WASF2: variants seen among roughly 807,000 people sequenced by gnomAD.
WASF2 encodes actin-binding protein WASF2.
WASF2 carries 14 observed loss-of-function variants against 45.0 expected under a neutral mutation model. The ratio of observed to expected loss-of-function variants is 0.31; its 90% CI spans 0.21 to 0.49. The LOEUF (loss-of-function observed/expected upper bound fraction) is 0.49. Among genes scored for constraint, WASF2 ranks in the 20% least tolerant of loss-of-function variants. The probability of loss-of-function intolerance (pLI) is 0.99; values close to 1 mark genes in which losing one functional copy is unlikely to be tolerated. For synonymous variants in WASF2, 200 were observed against 236.3 expected (o/e 0.85, Z 1.41); for missense variants, 439 against 636.1 (o/e 0.69, Z 3.33).
chr1:27,412,527 A>G (rs749416732), intron 7 of WASF2, 45 bp downstream of exon 7: 9 of 1,610,410 alleles, frequency 5.6e-6, no homozygotes, highest in Non-Finnish European at 7.6e-6. Flanking sequence ...TTTGTTCTCA[A>G]GTGTATAACT....
intron 1 of WASF2, among the ~76,000 whole-genome samples, chr1:27,431,930 C>G (rs2017067819): frequency 6.6e-6 from 1 of 152,166 alleles, no homozygotes; most frequent in Non-Finnish European, 1.5e-5. Flanking sequence ...TCTATTAGGA[C>G]AAAACAATTA....
intron 1 of WASF2, among the ~76,000 whole-genome samples, chr1:27,458,294 C>G (rs1316801810): frequency 3.0e-5 from 3 of 99,714 alleles, no homozygotes; most frequent in African/African-American, 1.2e-4. Context: ...GCCTGGGTGA[C>G]AGAGCGAGAT....
At chr1:27,432,025 C>T (rs922427416) in intron 1 of WASF2, among the ~76,000 whole-genome samples, 35 of 152,194 alleles carry the variant, frequency 2.3e-4, no homozygotes, top group African/African-American at 8.4e-4. Context: ...AAATGACATG[C>T]ACCATTGCTC....
chr1:27,465,679 C>T lies in WASF2; in HGVS notation c.-44+24307G>A, dbSNP rs1470647129. Among the ~76,000 whole-genome samples the T allele has an allele frequency of 3.3e-5, 5 of 152,170 alleles. 1 individual carries two copies. Among genetic ancestry groups the T allele is most frequent in the Admixed American group, 3.3e-4 (5 of 15,264 alleles). On this transcript the variant is annotated intron_variant, in intron 1 of 8. Transcript: ENST00000618852. ...AAATGGCAATGGCTAAGGAAGGCTACGGTTCTAGGGCAGATTACGGTACTA... is the reference window on the plus strand; with the variant it reads ...AAATGGCAATGGCTAAGGAAGGCTATGGTTCTAGGGCAGATTACGGTACTA...
intron 1 of WASF2, among the ~76,000 whole-genome samples, chr1:27,444,282 G>A (rs918237916): frequency 1.3e-5 from 2 of 151,812 alleles, no homozygotes; most frequent in Non-Finnish European, 2.9e-5. Context: ...GTCTTACTAT[G>A]TTGCCCTGGT....
intron 8 of WASF2, among the ~76,000 whole-genome samples, 181 bp downstream of exon 8, chr1:27,409,511 A>G (rs528217508): frequency 4.0e-5 from 6 of 150,934 alleles, no homozygotes; most frequent in Admixed American, 1.3e-4. Flanking sequence ...CTAAATCTCC[A>G]TATTTTTAGG....
chr1:27,432,058 G>A (rs745656640), intron 1 of WASF2, among the ~76,000 whole-genome samples: 1 of 152,162 alleles, frequency 6.6e-6, no homozygotes, highest in South Asian at 2.1e-4. Flanking sequence ...GATAATCAAG[G>A]ATTGGTTTGT....
At chr1:27,489,252 G>GCACACACACA (rs60315426) in intron 1 of WASF2, among the ~76,000 whole-genome samples, 8 of 80,296 alleles carry the variant, frequency 1.0e-4, no homozygotes, top group East Asian at 5.3e-4. Flanking sequence ...CTGTACGCGC[G>GCACACACACA]CACACACACA....
intron 1 of WASF2, among the ~76,000 whole-genome samples, chr1:27,433,961 T>C (rs1453978823): frequency 6.6e-6 from 1 of 152,212 alleles, no homozygotes; most frequent in East Asian, 1.9e-4. Context: ...GAAGGTCTTT[T>C]TCAGACATCT....
At chr1:27,473,256 G>A (rs1330996224) in intron 1 of WASF2, among the ~76,000 whole-genome samples, 8 of 151,638 alleles carry the variant, frequency 5.3e-5, no homozygotes, top group East Asian at 1.9e-4. Context: ...CGAGGCGGGC[G>A]GATCACGAGG....
chr1:27,473,100 T>C (rs1571162096), intron 1 of WASF2, among the ~76,000 whole-genome samples: 1 of 152,008 alleles, frequency 6.6e-6, no homozygotes, highest in East Asian at 1.9e-4. Context: ...TGATAACCTG[T>C]ATCCGGAATA....
intron 1 of WASF2, among the ~76,000 whole-genome samples, chr1:27,453,992 C>T (rs951239028): frequency 1.3e-5 from 2 of 151,590 alleles, no homozygotes; most frequent in Admixed American, 6.6e-5. Context: ...AAACGTGTGA[C>T]GTGTGTTTAC....
intron 1 of WASF2, among the ~76,000 whole-genome samples, chr1:27,444,284 T>C (rs2017284914): frequency 1.3e-5 from 2 of 152,068 alleles, no homozygotes. Flanking sequence ...CTTACTATGT[T>C]GCCCTGGTTG....
intron 1 of WASF2, among the ~76,000 whole-genome samples, chr1:27,440,295 G>T (rs888458219): frequency 6.6e-6 from 1 of 152,226 alleles, no homozygotes; most frequent in African/African-American, 2.4e-5. Flanking sequence ...AGGCCAAGGA[G>T]AGTGGATCGC....
At chr1:27,444,500 G>A (rs2148121462) in intron 1 of WASF2, among the ~76,000 whole-genome samples, 1 of 152,336 alleles carries the variant, frequency 6.6e-6, no homozygotes, top group South Asian at 2.1e-4. Flanking sequence ...GGAATGGCGA[G>A]TTTATATGGA....
In WASF2 at chr1:27,405,667, C is replaced by CGGCTCACT. The variant is rs1209226542; in HGVS notation, c.*2514_*2521dup. ...CATAAGTGGAGCCCAGAGGGCCTCT[C>CGGCTCACT]GGCTCACTGGGTCCCCGGCCCCCCG... is the stretch of plus-strand genomic sequence containing the variant. On this transcript the variant is annotated 3_prime_UTR_variant, in exon 9 of 9. Coordinates refer to ENST00000618852, the MANE Select transcript of WASF2 (RefSeq NM_006990.5). 1 of 128,972 alleles carries CGGCTCACT rather than the reference C, an allele frequency of 7.8e-6. No individual in the cohort carries two copies. Among genetic ancestry groups the CGGCTCACT allele is most frequent in the African/African-American group, 3.0e-5 (1 of 33,374 alleles). 8.0% of individuals were successfully genotyped at this position (128,972 alleles called of 1,614,324 possible). A position where few individuals can be genotyped will look rare whatever the true frequency, so the allele number is the denominator to read the frequency against.
intron 3 of WASF2, 107 bp from the exon 4 acceptor site, chr1:27,418,529 T>C: frequency 1.4e-6 from 2 of 1,464,756 alleles, no homozygotes; most frequent in Non-Finnish European, 9.3e-7. Context: ...TGGCTGTGGC[T>C]GTCCGCAGCC....
chr1:27,410,179 A>G lies in WASF2; in HGVS notation c.852T>C (p.Ser284=). The part of the protein sequence containing the change: ...FSYPVDNQRG[S]GLAGPKRSSV... Reference sequence around the variant, plus strand: ...TGGATCTTTTGGGTCCAGCCAAACCAGATCCTCTTTGGTTGTCCACTGGGT... The same window carrying G: ...TGGATCTTTTGGGTCCAGCCAAACCGGATCCTCTTTGGTTGTCCACTGGGT... The change falls in exon 8 of 9, where the codon TCT becomes TCC. Residue 284 remains serine, a synonymous_variant. Transcript: ENST00000618852. This position sits in a 1 kb window ranked among gnomAD's most constrained non-coding sequence, Gnocchi z 4.2. 6.2e-7 allele frequency: 1 copy of G among 1,614,120 alleles called. No homozygotes were observed.
chr1:27,408,178 G>A lies in WASF2; in HGVS notation c.*11C>T, dbSNP rs2016705826. On this transcript the variant is annotated 3_prime_UTR_variant, in exon 9 of 9. Transcript: ENST00000618852. ...GGAAAGAAAAAGAAGGTGGGCAGCA[G>A]GCAGAAAGAGTTAATCGGACCAGTC... 3 of 1,607,716 alleles carry A rather than the reference G, an allele frequency of 1.9e-6. No homozygotes were observed. The highest frequency in any genetic ancestry group is 2.6e-6 in the Non-Finnish European group (3 of 1,175,024).
Sources: allele counts gnomAD v4.1 joint callset (sites outside exome capture counted in the v4.1 genomes callset), GRCh38; gene constraint gnomAD v4.1.1; non-coding constraint Gnocchi (gnomAD v3.1); transcripts MANE v1.5; gene names NCBI Gene and HGNC (gene_info 2026-07-23, HGNC 2026-07-21).